Variants in AGPAT3 observed in about 807,000 individuals in gnomAD.
AGPAT3 encodes the protein 1-acylglycerol-3-phosphate O-acyltransferase 3, also known as 1-acyl-sn-glycerol-3-phosphate acyltransferase gamma.
In AGPAT3, 5 loss-of-function variants were observed where a neutral mutation model predicts 47.3. The ratio of observed to expected loss-of-function variants is 0.11; its 90% CI spans 0.06 to 0.22. The LOEUF (loss-of-function observed/expected upper bound fraction) is 0.22. Ranked by LOEUF, AGPAT3 falls within the 10% of genes least tolerant of loss-of-function variation. The pLI, the probability that AGPAT3 is intolerant of heterozygous loss-of-function variation, is 1.00. For missense variants in AGPAT3, 315 were observed against 493.0 expected (o/e 0.64, Z 3.42); for synonymous variants, 212 against 208.3 (o/e 1.02, Z -0.15).
At position 43,952,378 on chromosome 21, in the gene AGPAT3, C is replaced by T. The variant is rs944468271; in HGVS notation, c.-48-7256C>T. On this transcript the variant is annotated intron_variant, in intron 2 of 9. Transcript: ENST00000291572. This position sits in a 1 kb window ranked among gnomAD's most constrained non-coding sequence, Gnocchi z 5.6. ...CCTGTCTCCAAATAAGGTCACATTT[C>T]GAGGACCTGGGCATTACCTTTGTGG... Among the ~76,000 whole-genome samples the T allele has an allele frequency of 1.3e-5, 2 of 152,160 alleles. No homozygotes were observed. Among genetic ancestry groups the T allele is most frequent in the African/African-American group, 2.4e-5 (1 of 41,426 alleles).
chr21:43,971,599 G>T (rs905091568), intron 7 of AGPAT3, 109 bp downstream of exon 7: 8 of 997,166 alleles, frequency 8.0e-6, no homozygotes, highest in African/African-American at 8.0e-5. Context: ...CCACAGCCCC[G>T]CAGGGTGGAA....
chr21:43,888,966 G>A (rs2086041702), intron 1 of AGPAT3, among the ~76,000 whole-genome samples: 1 of 151,368 alleles, frequency 6.6e-6, no homozygotes, highest in Non-Finnish European at 1.5e-5. Context: ...TCCAGCCTGA[G>A]CAATAGAGTG....
rs1369742422 is a variant in AGPAT3 at position 43,952,356 on chromosome 21, G to A, written c.-48-7278G>A. On this transcript the variant is annotated intron_variant, in intron 2 of 9. Coordinates refer to ENST00000291572, the MANE Select transcript of AGPAT3 (RefSeq NM_020132.5). This position sits in a 1 kb window ranked among gnomAD's most constrained non-coding sequence, Gnocchi z 5.6. ...ACTTAATTACTGTGTTAAAGGCCCTGTCTCCAAATAAGGTCACATTTCGAG... is the reference window on the plus strand; with the variant it reads ...ACTTAATTACTGTGTTAAAGGCCCTATCTCCAAATAAGGTCACATTTCGAG... Among the ~76,000 whole-genome samples the A allele has an allele frequency of 6.6e-6, 1 of 152,170 alleles. No individual in the cohort carries two copies. Among genetic ancestry groups the A allele is most frequent in the African/African-American group, 2.4e-5 (1 of 41,418 alleles).
chr21:43,941,550 AAAAC>A (rs1404471454), intron 2 of AGPAT3, among the ~76,000 whole-genome samples: 3 of 152,206 alleles, frequency 2.0e-5, no homozygotes, highest in Non-Finnish European at 4.4e-5. Flanking sequence ...CCATCTCTAA[AAAAC>A]AAACAGAACC....
chr21:43,878,962 A>G (rs2085794177), intron 1 of AGPAT3, among the ~76,000 whole-genome samples: 1 of 152,108 alleles, frequency 6.6e-6, no homozygotes, highest in Admixed American at 6.5e-5. Context: ...GCTGGTCTCA[A>G]ACTCCTTGCC....
At chr21:43,968,989 C>A (rs2089275535) in intron 4 of AGPAT3, 129 bp from the exon 5 acceptor site, 5 of 955,470 alleles carry the variant, frequency 5.2e-6, no homozygotes, top group Admixed American at 2.7e-5. Context: ...ACAGCAGACC[C>A]CCTGAGCCAC....
At chr21:43,967,653 G>A (rs1365018176) in intron 3 of AGPAT3, 38 of 357,992 alleles carry the variant, frequency 1.1e-4, no homozygotes, top group Non-Finnish European at 1.7e-4. Flanking sequence ...TGCGGTACTC[G>A]GCCACACCAA....
intron 2 of AGPAT3, among the ~76,000 whole-genome samples, chr21:43,938,767 A>G (rs1314981930): frequency 1.2e-4 from 19 of 152,218 alleles, no homozygotes; most frequent in Admixed American, 1.2e-3. Context: ...GACATCTATT[A>G]TCTCACACAG....
At position 43,897,612 on chromosome 21, in the gene AGPAT3, A is replaced by C. The variant is rs1397730314; in HGVS notation, c.-111-6345A>C. 5.8e-5 allele frequency among the ~76,000 whole-genome samples: 8 copies of C among 138,942 alleles called. 1 individual carries two copies. The highest frequency in any genetic ancestry group is 1.9e-4 in the African/African-American group (7 of 37,526). 91.2% of individuals were successfully genotyped at this position (138,942 alleles called of 152,430 possible). Reference sequence around the variant, plus strand: ...GGGCGGCCGGGCAGAGGGGCTCCTCACCTCCCAGAGGGGGCGGCCGGGCAG... The same window carrying C: ...GGGCGGCCGGGCAGAGGGGCTCCTCCCCTCCCAGAGGGGGCGGCCGGGCAG... On this transcript the variant is annotated intron_variant, in intron 1 of 9. Transcript: ENST00000291572.
intron 7 of AGPAT3, among the ~76,000 whole-genome samples, chr21:43,973,853 G>A (rs1279049813): frequency 6.6e-6 from 1 of 152,206 alleles, no homozygotes; most frequent in Non-Finnish European, 1.5e-5. Flanking sequence ...GGGCTCTCCT[G>A]TCCCCAGGGC....
In AGPAT3 at chr21:43,934,658, G is replaced by A. The variant is rs560127613; in HGVS notation, c.-48-24976G>A. 2.0e-5 allele frequency among the ~76,000 whole-genome samples: 3 copies of A among 152,298 alleles called. No homozygotes were observed. Among genetic ancestry groups the A allele is most frequent in the Admixed American group, 1.3e-4 (2 of 15,304 alleles). Reference sequence around the variant, plus strand: ...GGAGGGGCGGGCTCAAGCCCTGGTCGTGAGCAGGATGACATTCAGATAGCT... The same window carrying A: ...GGAGGGGCGGGCTCAAGCCCTGGTCATGAGCAGGATGACATTCAGATAGCT... On this transcript the variant is annotated intron_variant, in intron 2 of 9. Coordinates refer to ENST00000291572, the MANE Select transcript of AGPAT3 (RefSeq NM_020132.5). The surrounding 1 kb of genome is among the most constrained non-coding windows in gnomAD (Gnocchi z 4.7).
intron 3 of AGPAT3, chr21:43,965,213 G>A (rs2089064121): frequency 1.3e-5 from 2 of 152,248 alleles, no homozygotes; most frequent in Non-Finnish European, 2.9e-5. Flanking sequence ...TACAGGCTGA[G>A]CCACCGCACC....
chr21:43,917,024 T>C (rs1178286962), intron 2 of AGPAT3, among the ~76,000 whole-genome samples: 1 of 152,108 alleles, frequency 6.6e-6, no homozygotes, highest in Non-Finnish European at 1.5e-5. Context: ...GCAGAGCCCG[T>C]GGCCCCTCTC....
Position 43,970,676 on chromosome 21 carries a change from G to A in AGPAT3, c.534G>A (p.Thr178=), listed in dbSNP as rs1141627. The A allele has an allele frequency of 1.7e-3, 2,794 of 1,613,852 alleles. 5 individuals carry two copies. The highest frequency in any genetic ancestry group is 7.8e-3 in the Middle Eastern group (47 of 6,060). The change falls in exon 6 of 10, where the codon ACG becomes ACA. Residue 178 remains threonine (T), a synonymous_variant. Transcript: ENST00000291572. This position sits in a 1 kb window ranked among gnomAD's most constrained non-coding sequence, Gnocchi z 5.8. ...AGTTTCTCCTGTACTGCGAGGGGAC[G>A]CGCTTCACGGAGACCAAGCACCGCG... The part of the protein sequence containing the change: ...YMWFLLYCEG[T]RFTETKHRVS...
chr21:43,975,369 T>C (rs1166515975), intron 7 of AGPAT3, among the ~76,000 whole-genome samples: 1 of 150,504 alleles, frequency 6.6e-6, no homozygotes. Flanking sequence ...GTGTGTGGCA[T>C]GTGCTGGCAT....
At chr21:43,888,198 C>T (rs1361653059) in intron 1 of AGPAT3, among the ~76,000 whole-genome samples, 2 of 152,104 alleles carry the variant, frequency 1.3e-5, no homozygotes, top group African/African-American at 4.8e-5. Flanking sequence ...CACCACCACA[C>T]CCAGCTAATT....
intron 1 of AGPAT3, among the ~76,000 whole-genome samples, chr21:43,896,830 A>G (rs1031129382): frequency 2.6e-5 from 4 of 151,350 alleles, no homozygotes; most frequent in Non-Finnish European, 4.4e-5. Flanking sequence ...TTTGCTTTGC[A>G]TGTCTCTTTT....
rs1363042649 is a variant in AGPAT3 at position 43,987,458 on chromosome 21, A to G, written c.*5066A>G. ...GGGTTTTAAAAGCGATCAAGGACAA[A>G]AGGTTTTCCTAAGTGGCATGTATAC... On this transcript the variant is annotated 3_prime_UTR_variant, in exon 10 of 10. Transcript: ENST00000291572. Among the ~76,000 whole-genome samples the G allele has an allele frequency of 6.6e-6, 1 of 152,238 alleles. No homozygotes were observed. Among genetic ancestry groups the G allele is most frequent in the Non-Finnish European group, 1.5e-5 (1 of 68,050 alleles).
At chr21:43,882,813 G>C (rs2085882395) in intron 1 of AGPAT3, among the ~76,000 whole-genome samples, 1 of 152,168 alleles carries the variant, frequency 6.6e-6, no homozygotes, top group African/African-American at 2.4e-5. Context: ...GGTGCCCCTG[G>C]GTGGGGCTTA....
Sources: allele counts gnomAD v4.1 joint callset (sites outside exome capture counted in the v4.1 genomes callset), GRCh38; gene constraint gnomAD v4.1.1; non-coding constraint Gnocchi (gnomAD v3.1); transcripts MANE v1.5; gene names NCBI Gene and HGNC (gene_info 2026-07-23, HGNC 2026-07-21).